SNX3: variants seen among roughly 807,000 people sequenced by gnomAD.
SNX3 encodes sorting nexin-3.
A neutral mutation model predicts 17.7 loss-of-function variants in SNX3; 5 were observed. The observed-to-expected ratio is 0.28, with a 90% CI of 0.15 to 0.59. SNX3 has a LOEUF of 0.59. Ranked by LOEUF, SNX3 falls within the 20% of genes least tolerant of loss-of-function variation. The pLI, the probability that SNX3 is intolerant of heterozygous loss-of-function variation, is 0.88. For synonymous variants in SNX3, 91 were observed against 76.5 expected, an observed-to-expected ratio of 1.19 and a Z score of -0.99; for missense variants, 132 against 206.8, an observed-to-expected ratio of 0.64 and a Z score of 2.22.
intron 1 of SNX3, among the ~76,000 whole-genome samples, chr6:108,238,109 A>C (rs1419428600): frequency 1.3e-5 from 2 of 151,304 alleles, no homozygotes; most frequent in Non-Finnish European, 2.9e-5. Context: ...CTCAAAAAAA[A>C]AAAAAAAAAA....
At chr6:108,247,637 C>T (rs190437829) in intron 1 of SNX3, among the ~76,000 whole-genome samples, 171 of 152,260 alleles carry the variant, frequency 1.1e-3, no homozygotes, top group Admixed American at 3.2e-3. Context: ...CCACCTCTGC[C>T]TCCCAAAGGG....
In SNX3 at chr6:108,260,974, AGCCGCCGCC is replaced by A. The variant is rs540671479; in HGVS notation, c.-62_-54del. 2,272 of 1,430,058 alleles carry A rather than the reference AGCCGCCGCC, an allele frequency of 1.6e-3. 5 individuals are homozygous for A. The highest frequency in any genetic ancestry group is 2.0e-3 in the Non-Finnish European group (2,196 of 1,096,694). The allele number at this position is 1,430,058 out of a possible 1,614,324, so 88.6% of individuals were successfully genotyped here. On this transcript the variant is annotated 5_prime_UTR_variant, in exon 1 of 4. Transcript: ENST00000230085. ...GGCTCCCTCCGCCCCCTCCGCGTTC[AGCCGCCGCC>A]GCCGCCGCTGCTGCCCGCCGTGGGG...
intron 2 of SNX3, among the ~76,000 whole-genome samples, chr6:108,218,643 T>C (rs897073638): frequency 6.6e-6 from 1 of 152,092 alleles, no homozygotes; most frequent in Non-Finnish European, 1.5e-5. Flanking sequence ...ATAAATAAGA[T>C]GTGGTATAAG....
intron 1 of SNX3, among the ~76,000 whole-genome samples, chr6:108,230,767 C>T (rs887844569): frequency 6.6e-5 from 10 of 152,102 alleles, no homozygotes; most frequent in African/African-American, 2.4e-4. Flanking sequence ...TCACTTAAAG[C>T]TTATGTCAGG....
At position 108,223,497 on chromosome 6, in the gene SNX3, C is replaced by CTTTTTTTTTTTT. The variant is rs59920022; in HGVS notation, c.163-464_163-453dup. ...ATAACAAAATAAAACTTTGCTAGTT[C>CTTTTTTTTTTTT]TTTTTTTTTTTTTTTTTTTTTTTTT... is the stretch of plus-strand genomic sequence containing the variant. On this transcript the variant is annotated intron_variant, in intron 1 of 3. Transcript: ENST00000230085. Among the ~76,000 whole-genome samples, 33 of 110,370 alleles carry CTTTTTTTTTTTT rather than the reference C, an allele frequency of 3.0e-4. 3 individuals are homozygous for CTTTTTTTTTTTT. The highest frequency in any genetic ancestry group is 1.3e-3 in the African/African-American group (32 of 23,784). The allele number at this position is 110,370 out of a possible 152,430, so 72.4% of individuals were successfully genotyped here. A position where few individuals can be genotyped will look rare whatever the true frequency, so the allele number is the denominator to read the frequency against.
intron 2 of SNX3, among the ~76,000 whole-genome samples, chr6:108,216,132 C>T (rs1225773818): frequency 2.0e-5 from 3 of 151,964 alleles, no homozygotes; most frequent in Admixed American, 6.6e-5. Context: ...GCTGGAGTTC[C>T]GTGGTGCGAT....
In SNX3 at chr6:108,214,478, G is replaced by A. The variant is rs373605004; in HGVS notation, c.383+20C>T. ...GTCACTTAAAGTAGTCCTACACTTT[G>A]AGGAATAGGAAGCACTTACTTGTTT... is the stretch of plus-strand genomic sequence containing the variant. On this transcript the variant is annotated intron_variant, in intron 3 of 3. Coordinates refer to ENST00000230085, the MANE Select transcript of SNX3 (RefSeq NM_003795.6). 4.8e-5 allele frequency: 77 copies of A among 1,610,376 alleles called. No homozygotes were observed. The highest frequency in any genetic ancestry group is 6.3e-5 in the Non-Finnish European group (74 of 1,178,302).
intron 1 of SNX3, among the ~76,000 whole-genome samples, chr6:108,226,254 T>C (rs544820568): frequency 3.3e-5 from 5 of 152,032 alleles, no homozygotes; most frequent in Non-Finnish European, 5.9e-5. Context: ...TTTGTACTTT[T>C]GGTGAGACAG....
chr6:108,242,242 GAT>G (rs1187614508), intron 1 of SNX3, among the ~76,000 whole-genome samples: 1 of 152,114 alleles, frequency 6.6e-6, no homozygotes, highest in Non-Finnish European at 1.5e-5. Flanking sequence ...GGAGTCCCAC[GAT>G]GAGAGAAAGA....
chr6:108,252,669 TTC>T (rs1775899959), intron 1 of SNX3, among the ~76,000 whole-genome samples: 1 of 151,664 alleles, frequency 6.6e-6, no homozygotes, highest in Non-Finnish European at 1.5e-5. Context: ...TAAACTTTTT[TTC>T]TCTTTTTCTC....
At chr6:108,238,261 T>G (rs1420362867) in intron 1 of SNX3, among the ~76,000 whole-genome samples, 1 of 151,490 alleles carries the variant, frequency 6.6e-6, no homozygotes, top group Non-Finnish European at 1.5e-5. Context: ...CCAAGCAGAG[T>G]AGGTGTCACA....
At chr6:108,252,091 C>CAAAA (rs776909106) in intron 1 of SNX3, 2 of 121,370 alleles carry the variant, frequency 1.6e-5, no homozygotes, top group African/African-American at 5.7e-5. Flanking sequence ...ATAAAACAAA[C>CAAAA]AAACAAACAA....
intron 1 of SNX3, among the ~76,000 whole-genome samples, chr6:108,244,345 G>T (rs1169173773): frequency 6.6e-6 from 1 of 152,046 alleles, no homozygotes. Flanking sequence ...GTAGAGAGGA[G>T]GGTCTCACTA....
intron 1 of SNX3, among the ~76,000 whole-genome samples, chr6:108,248,361 G>C (rs1184220645): frequency 6.6e-6 from 1 of 152,242 alleles, no homozygotes; most frequent in Non-Finnish European, 1.5e-5. Context: ...TTATTGGACA[G>C]TTCTGGGGAA....
chr6:108,243,208 T>C (rs1775573249), intron 1 of SNX3, among the ~76,000 whole-genome samples: 1 of 152,140 alleles, frequency 6.6e-6, no homozygotes, highest in Admixed American at 6.5e-5. Context: ...TGGGCTAAAG[T>C]GATTCTCCTG....
chr6:108,224,014 C>T (rs924484693), intron 1 of SNX3, among the ~76,000 whole-genome samples: 4 of 152,128 alleles, frequency 2.6e-5, no homozygotes, highest in Admixed American at 6.5e-5. Context: ...GCAAACAGTC[C>T]TCATAGGGGA....
chr6:108,230,303 T>A (rs1775104101), intron 1 of SNX3, among the ~76,000 whole-genome samples: 1 of 152,172 alleles, frequency 6.6e-6, no homozygotes, highest in East Asian at 1.9e-4. Context: ...TTGCTTAGTA[T>A]CAGGCTGAGT....
intron 1 of SNX3, among the ~76,000 whole-genome samples, chr6:108,229,259 CA>C (rs778617695): frequency 0.18 from 12,533 of 68,862 alleles, 653 homozygotes; most frequent in African/African-American, 0.33. Context: ...GACTCCACCT[CA>C]AAAAAAAAAA....
chr6:108,220,416 G>A (rs897344732), intron 2 of SNX3, among the ~76,000 whole-genome samples: 2 of 151,698 alleles, frequency 1.3e-5, no homozygotes, highest in Non-Finnish European at 2.9e-5. Flanking sequence ...TCTTTTATAT[G>A]TTTAGATGCA....
Sources: gnomAD v4.1 joint callset for allele counts (sites outside exome capture counted in the v4.1 genomes callset) on GRCh38, gnomAD v4.1.1 for gene constraint, MANE v1.5 for transcripts, NCBI Gene and HGNC (gene_info 2026-07-23, HGNC 2026-07-21) for gene names.